ESYT2: variants seen among roughly 807,000 people sequenced by gnomAD.
ESYT2 encodes extended synaptotagmin 2, also known as extended synaptotagmin-2.
ESYT2 carries 54 observed loss-of-function variants against 107.2 expected under a neutral mutation model. The observed-to-expected ratio is 0.50, with a 90% CI of 0.40 to 0.63. The LOEUF (loss-of-function observed/expected upper bound fraction) is 0.63. Ranked by LOEUF, ESYT2 falls within the 30% of genes least tolerant of loss-of-function variation. The probability of loss-of-function intolerance (pLI) is 0.00; values close to 1 mark genes in which losing one functional copy is unlikely to be tolerated. For missense variants in ESYT2, 1,020 were observed against 1,094.5 expected (o/e 0.93, Z 0.96); for synonymous variants, 491 against 434.1 (o/e 1.13, Z -1.63).
At chr7:158,804,307 G>A (rs1334595203) in intron 1 of ESYT2, among the ~76,000 whole-genome samples, 11 of 120,884 alleles carry the variant, frequency 9.1e-5, no homozygotes, top group East Asian at 8.5e-4. Flanking sequence ...CGTCGAGAAG[G>A]GTGAGGCGCG....
intron 20 of ESYT2, among the ~76,000 whole-genome samples, chr7:158,736,146 C>T (rs975367922): frequency 1.3e-5 from 2 of 148,430 alleles, no homozygotes; most frequent in Non-Finnish European, 3.0e-5. Flanking sequence ...GGGTGCCTGC[C>T]CCAGGCCACC....
At chr7:158,766,367 G>A (rs1838166295) in intron 8 of ESYT2, among the ~76,000 whole-genome samples, 1 of 152,160 alleles carries the variant, frequency 6.6e-6, no homozygotes, top group Admixed American at 6.5e-5. Context: ...CCAGATCCAG[G>A]CTCAGGTGCT....
chr7:158,782,228 AGT>A (rs1270909204), intron 6 of ESYT2, among the ~76,000 whole-genome samples: 1,930 of 83,514 alleles, frequency 0.023, 36 homozygotes, highest in African/African-American at 0.055. Flanking sequence ...AACAGATGTG[AGT>A]GTAACAACGA....
intron 1 of ESYT2, among the ~76,000 whole-genome samples, chr7:158,803,791 C>CGCGGCAAACCCAAACCGCCGAGAAGG (rs1839717123): frequency 4.8e-5 from 7 of 146,318 alleles, no homozygotes; most frequent in African/African-American, 7.7e-5. Context: ...GGGTGAGGCG[C>CGCGGCAAACCCAAACCGCCGAGAAGG]GTGACAAACC....
Position 158,732,126 on chromosome 7 carries a change from C to G in ESYT2, c.*2081G>C, listed in dbSNP as rs1359252140. 2.0e-5 allele frequency: 3 copies of G among 152,216 alleles called. No individual in the cohort carries two copies. Among genetic ancestry groups the G allele is most frequent in the African/African-American group, 7.2e-5 (3 of 41,442 alleles). The allele number at this position is 152,216 out of a possible 1,614,324, so 9.4% of individuals were successfully genotyped here. A position where few individuals can be genotyped will look rare whatever the true frequency, so the allele number is the denominator to read the frequency against. Reference sequence around the variant, plus strand: ...ATAAAGCATTCCATTAAGCAAAATACACATGGAGCGGATTACACACTGGAC... The same window carrying G: ...ATAAAGCATTCCATTAAGCAAAATAGACATGGAGCGGATTACACACTGGAC... On this transcript the variant is annotated 3_prime_UTR_variant, in exon 23 of 23. Coordinates refer to ENST00000275418, the MANE Select transcript of ESYT2 (RefSeq NM_001367773.1).
At chr7:158,781,579 TGA>T (rs1361230778) in intron 6 of ESYT2, among the ~76,000 whole-genome samples, 14 of 142,804 alleles carry the variant, frequency 9.8e-5, no homozygotes, top group East Asian at 2.1e-4. Context: ...GAACAAAGTG[TGA>T]GAGGTTTGAG....
chr7:158,791,448 C>T (rs1294309046), intron 4 of ESYT2, among the ~76,000 whole-genome samples: 3 of 152,164 alleles, frequency 2.0e-5, no homozygotes, highest in Non-Finnish European at 2.9e-5. Context: ...TACACAGAGG[C>T]GGGATTTCTG....
At chr7:158,736,821 T>C (rs1836972196) in intron 20 of ESYT2, among the ~76,000 whole-genome samples, 1 of 152,230 alleles carries the variant, frequency 6.6e-6, no homozygotes, top group African/African-American at 2.4e-5. Flanking sequence ...TAATCACTAG[T>C]CTACATGTCC....
intron 4 of ESYT2, among the ~76,000 whole-genome samples, chr7:158,791,547 G>C (rs747029952): frequency 6.6e-6 from 1 of 152,168 alleles, no homozygotes; most frequent in South Asian, 2.1e-4. Context: ...AGTGCACAAA[G>C]GTTCCAATTT....
At chr7:158,773,535 C>A in intron 6 of ESYT2, 139 bp from the exon 7 acceptor site, 1 of 697,802 alleles carries the variant, frequency 1.4e-6, no homozygotes, top group Middle Eastern at 2.4e-4. Flanking sequence ...TCGTAATATA[C>A]CAAGGACATT....
At chr7:158,814,287 TTA>T (rs58908927) in intron 1 of ESYT2, among the ~76,000 whole-genome samples, 2 of 66,936 alleles carry the variant, frequency 3.0e-5, no homozygotes, top group South Asian at 5.4e-4. Flanking sequence ...AAAAAAAAAA[TTA>T]TATATATATA....
chr7:158,761,391 A>C (rs1837953565), intron 11 of ESYT2, 105 bp downstream of exon 11: 1 of 910,542 alleles, frequency 1.1e-6, no homozygotes, highest in African/African-American at 1.7e-5. Context: ...ACTAATTAGG[A>C]TTCCGGCACT....
chr7:158,829,392 C>T lies in ESYT2; in HGVS notation c.27G>A (p.Pro9=). Residue 9 remains proline (P), a synonymous_variant, in exon 1 of 23, where the codon CCG becomes CCA. Coordinates refer to ENST00000275418, the MANE Select transcript of ESYT2 (RefSeq NM_001367773.1). MSGARGEG[P]EAGAGGAGGR... ...CCCCAGCCCCGCCGGCGCCCGCCTCCGGGCCCTCGCCCCGGGCGCCGCTCA... is the reference window on the plus strand; with the variant it reads ...CCCCAGCCCCGCCGGCGCCCGCCTCTGGGCCCTCGCCCCGGGCGCCGCTCA... 1 of 1,225,822 alleles carries T rather than the reference C, an allele frequency of 8.2e-7. No individual in the cohort carries two copies. The highest frequency in any genetic ancestry group is 1.0e-6 in the Non-Finnish European group (1 of 989,300). The allele number at this position is 1,225,822 out of a possible 1,614,324, so 75.9% of individuals were successfully genotyped here. A position where few individuals can be genotyped will look rare whatever the true frequency, so the allele number is the denominator to read the frequency against.
chr7:158,810,193 G>A (rs1388153476), intron 1 of ESYT2, among the ~76,000 whole-genome samples: 3 of 152,262 alleles, frequency 2.0e-5, no homozygotes, highest in Admixed American at 2.0e-4. Flanking sequence ...CAACAGAAAG[G>A]AAAACACACA....
chr7:158,757,009 C>T (rs898992210), intron 13 of ESYT2, among the ~76,000 whole-genome samples: 5 of 149,908 alleles, frequency 3.3e-5, no homozygotes, highest in Non-Finnish European at 7.4e-5. Flanking sequence ...TTGAGATGAA[C>T]CACAAGAAAA....
intron 1 of ESYT2, among the ~76,000 whole-genome samples, chr7:158,802,491 C>T (rs543537011): frequency 6.6e-6 from 1 of 152,104 alleles, no homozygotes; most frequent in African/African-American, 2.4e-5. Flanking sequence ...ATGTTGGCCA[C>T]GCTGGTCTCA....
intron 18 of ESYT2, among the ~76,000 whole-genome samples, chr7:158,739,492 G>A (rs113552919): frequency 1.3e-5 from 2 of 152,004 alleles, no homozygotes; most frequent in African/African-American, 2.4e-5. Context: ...GATTACAGGC[G>A]CCCGCCACCA....
chr7:158,792,282 G>A (rs993227239), intron 4 of ESYT2, among the ~76,000 whole-genome samples: 13 of 150,798 alleles, frequency 8.6e-5, no homozygotes, highest in African/African-American at 2.4e-4. Flanking sequence ...CCAGAGCTTC[G>A]GGAGGCCAAG....
chr7:158,783,875 C>T (rs917087327), intron 6 of ESYT2, among the ~76,000 whole-genome samples: 1 of 152,204 alleles, frequency 6.6e-6, no homozygotes, highest in Non-Finnish European at 1.5e-5. Context: ...GGAAGCCCCG[C>T]CCCACCTTCC....
Sources: gnomAD v4.1 joint callset for allele counts (sites outside exome capture counted in the v4.1 genomes callset) on GRCh38, gnomAD v4.1.1 for gene constraint, MANE v1.5 for transcripts, NCBI Gene and HGNC (gene_info 2026-07-23, HGNC 2026-07-21) for gene names.